SESN3: variants seen among roughly 807,000 people sequenced by gnomAD.
SESN3 encodes sestrin-3.
Under a neutral mutation model 55.3 loss-of-function variants are expected in SESN3, and 21 were observed. That is an observed-to-expected ratio of 0.38 (90% CI 0.27 to 0.55). The LOEUF is 0.55. SESN3 is among the 20% of genes least tolerant of loss of function. The pLI, the probability that SESN3 is intolerant of heterozygous loss-of-function variation, is 0.76. For synonymous variants in SESN3, 181 were observed against 203.1 expected, an observed-to-expected ratio of 0.89 and a Z score of 0.93; for missense variants, 408 against 604.3, an observed-to-expected ratio of 0.68 and a Z score of 3.41.
rs1306556869 is a variant in SESN3, at chr11:95,170,654, A to C, written c.*2601T>G. 6.6e-6 allele frequency: 1 copy of C among 152,210 alleles called. No individual in the cohort carries two copies. Among genetic ancestry groups the C allele is most frequent in the East Asian group, 1.9e-4 (1 of 5,208 alleles). The allele number at this position is 152,210 out of a possible 1,614,324, so 9.4% of individuals were successfully genotyped here. A position where few individuals can be genotyped will look rare whatever the true frequency, so the allele number is the denominator to read the frequency against. On this transcript the variant is annotated 3_prime_UTR_variant, in exon 10 of 10. Transcript: ENST00000536441. ...CAGAATTTCAAGTTTGCATTGGATA[A>C]AGAGAGTTAACAGCAAACTCGTTGT...
At chr11:95,184,369 C>T (rs764832022) in intron 6 of SESN3, 51 bp downstream of exon 6, 6 of 1,497,786 alleles carry the variant, frequency 4.0e-6, no homozygotes, top group Non-Finnish European at 5.6e-6. Flanking sequence ...CTGAAGTTGC[C>T]CTGTCAGGGT....
At chr11:95,191,257 G>A in intron 3 of SESN3, 147 bp downstream of exon 3, 1 of 654,518 alleles carries the variant, frequency 1.5e-6, no homozygotes, top group South Asian at 2.0e-5. Flanking sequence ...AAGACACTTG[G>A]TATCCAAAAG....
chr11:95,209,838 G>A (rs549352598), intron 1 of SESN3, among the ~76,000 whole-genome samples: 6 of 150,502 alleles, frequency 4.0e-5, no homozygotes, highest in South Asian at 2.2e-4. Flanking sequence ...CTAACATGGC[G>A]AAACCCCGTC....
rs1472561402 is a variant in SESN3, at chr11:95,184,045, CA to C, written c.937+374del. On this transcript the variant is annotated intron_variant, in intron 6 of 9. Coordinates refer to ENST00000536441, the MANE Select transcript of SESN3 (RefSeq NM_144665.4). ...AATCTTCCCACACACCCCCCACCTA[CA>C]AAAAAGGCAGTTTTTTTTAAAATTT... 3.2e-5 allele frequency: 8 copies of C among 253,682 alleles called. No individual in the cohort carries two copies. The East Asian group carries it at 5.9e-4, about 19-fold the overall frequency. 15.7% of individuals were successfully genotyped at this position (253,682 alleles called of 1,614,324 possible). A position where few individuals can be genotyped will look rare whatever the true frequency, so the allele number is the denominator to read the frequency against.
At chr11:95,217,190 A>G (rs1294418244) in intron 1 of SESN3, among the ~76,000 whole-genome samples, 1 of 152,102 alleles carries the variant, frequency 6.6e-6, no homozygotes, top group Non-Finnish European at 1.5e-5. Context: ...ACATGTGTTT[A>G]GACTAGTGAT....
At chr11:95,210,616 C>T (rs1860636872) in intron 1 of SESN3, among the ~76,000 whole-genome samples, 1 of 152,104 alleles carries the variant, frequency 6.6e-6, no homozygotes, top group Admixed American at 6.5e-5. Flanking sequence ...CCTAATACAT[C>T]AATTAAAACA....
chr11:95,177,935 A>G lies in SESN3; in HGVS notation c.1057-26T>C, dbSNP rs1859988847. ...CTAAAAGAATAAAATGTATTTAATT[A>G]CAAAGTGGGCATTTTCCATCTAAAT... On this transcript the variant is annotated intron_variant, in intron 7 of 9. Coordinates refer to ENST00000536441, the MANE Select transcript of SESN3 (RefSeq NM_144665.4). 2.1e-6 allele frequency: 3 copies of G among 1,445,296 alleles called. No homozygotes were observed. The African/African-American group carries it at 4.4e-5, about 21-fold the overall frequency. 89.5% of individuals were successfully genotyped at this position (1,445,296 alleles called of 1,614,324 possible). A position where few individuals can be genotyped will look rare whatever the true frequency, so the allele number is the denominator to read the frequency against.
upstream of SESN3, chr11:95,231,762 T>C (rs980805244): frequency 2.6e-5 from 4 of 152,256 alleles, no homozygotes; most frequent in African/African-American, 9.6e-5. Context: ...ACTGCAGTTA[T>C]GTAGTACTTT....
chr11:95,217,056 C>T (rs975390121), intron 1 of SESN3, among the ~76,000 whole-genome samples: 2 of 148,590 alleles, frequency 1.3e-5, no homozygotes, highest in Non-Finnish European at 3.0e-5. Context: ...CAGTGAGCCA[C>T]GATCATGTCA....
At chr11:95,222,798 T>C (rs748172286) in intron 1 of SESN3, among the ~76,000 whole-genome samples, 2 of 152,342 alleles carry the variant, frequency 1.3e-5, no homozygotes, top group Non-Finnish European at 1.5e-5. Flanking sequence ...TTTCTTCAGA[T>C]TTTTGAAAGA....
chr11:95,225,408 T>C (rs544387058), intron 1 of SESN3, among the ~76,000 whole-genome samples: 16 of 152,192 alleles, frequency 1.1e-4, no homozygotes, highest in Non-Finnish European at 2.2e-4. Context: ...TAATCTACAA[T>C]AGTATTTAAA....
Position 95,190,823 on chromosome 11 carries a change from G to C in SESN3, c.342+581C>G, listed in dbSNP as rs549475884. On this transcript the variant is annotated intron_variant, in intron 3 of 9. Coordinates refer to ENST00000536441, the MANE Select transcript of SESN3 (RefSeq NM_144665.4). ...TATATAGCACTTTCATTATGTTCTT[G>C]TTCTTCTTTTTCTCCATTAAAGTCC... Among the ~76,000 whole-genome samples, 5 of 152,024 alleles carry C rather than the reference G, an allele frequency of 3.3e-5. 1 individual carries two copies. In the South Asian group the frequency reaches 1.0e-3, roughly 32 times the overall value.
intron 1 of SESN3, among the ~76,000 whole-genome samples, chr11:95,200,032 A>C (rs1246570900): frequency 6.6e-6 from 1 of 152,072 alleles, no homozygotes; most frequent in Non-Finnish European, 1.5e-5. Context: ...CACATGCCCC[A>C]AACAAAATTT....
intron 1 of SESN3, among the ~76,000 whole-genome samples, chr11:95,211,935 C>T (rs1398027439): frequency 1.3e-5 from 2 of 151,942 alleles, no homozygotes; most frequent in African/African-American, 4.8e-5. Context: ...GTCATTAATT[C>T]GATATTTTGT....
At chr11:95,193,953 C>A (rs1226236714) in intron 1 of SESN3, among the ~76,000 whole-genome samples, 1 of 151,910 alleles carries the variant, frequency 6.6e-6, no homozygotes, top group East Asian at 1.9e-4. Flanking sequence ...GCTTTTTTTC[C>A]CCTAAAATAG....
In SESN3 at chr11:95,231,103, T is replaced by G. The variant is rs911588335; in HGVS notation, c.-243A>C. The G allele has an allele frequency of 2.4e-6, 1 of 415,258 alleles. No homozygotes were observed. The highest frequency in any genetic ancestry group is 4.4e-5 in the Admixed American group (1 of 22,620). The allele number at this position is 415,258 out of a possible 1,614,324, so 25.7% of individuals were successfully genotyped here. A position where few individuals can be genotyped will look rare whatever the true frequency, so the allele number is the denominator to read the frequency against. The stretch of plus-strand genomic sequence containing the variant: ...CGGCTGCTCCTCACCGGCCCGTTGT[T>G]CCACCCGCCCCCATCTTCCAGACCC... On this transcript the variant is annotated 5_prime_UTR_variant, in exon 1 of 10. Coordinates refer to ENST00000536441, the MANE Select transcript of SESN3 (RefSeq NM_144665.4).
At chr11:95,191,713 A>G in intron 2 of SESN3, 112 bp from the exon 3 acceptor site, 1 of 743,696 alleles carries the variant, frequency 1.3e-6, no homozygotes, top group Non-Finnish European at 2.2e-6. Flanking sequence ...ATATTAACAG[A>G]CACTGAAATT....
In SESN3 at chr11:95,230,899, C is replaced by G; in HGVS notation, c.-39G>C. ...GCCGAGGCGAGAGCGGGCGGAGGGC[C>G]GGGTCCGGGCTGTCACTGCGGCCAC... On this transcript the variant is annotated 5_prime_UTR_variant, in exon 1 of 10. Coordinates refer to ENST00000536441, the MANE Select transcript of SESN3 (RefSeq NM_144665.4). The surrounding 1 kb of genome is among the most constrained non-coding windows in gnomAD (Gnocchi z 4.6). The G allele has an allele frequency of 1.4e-6, 2 of 1,446,958 alleles. No individual in the cohort carries two copies. The highest frequency in any genetic ancestry group is 1.5e-5 in the African/African-American group (1 of 67,630). The allele number at this position is 1,446,958 out of a possible 1,614,324, so 89.6% of individuals were successfully genotyped here.
chr11:95,179,595 T>C (rs1457795591), intron 6 of SESN3, among the ~76,000 whole-genome samples: 7 of 152,120 alleles, frequency 4.6e-5, no homozygotes, highest in African/African-American at 1.4e-4. Flanking sequence ...TATAGTTTAT[T>C]TTTAGCTTGC....
Sources: gnomAD v4.1 joint callset for allele counts (sites outside exome capture counted in the v4.1 genomes callset) on GRCh38, gnomAD v4.1.1 for gene constraint, Gnocchi (gnomAD v3.1) non-coding constraint, MANE v1.5 for transcripts, NCBI Gene and HGNC (gene_info 2026-07-23, HGNC 2026-07-21) for gene names.